MYO1A: variants seen among roughly 807,000 people sequenced by gnomAD.
MYO1A encodes the protein unconventional myosin-Ia.
Under a neutral mutation model 138.5 loss-of-function variants are expected in MYO1A, and 127 were observed. The ratio of observed to expected loss-of-function variants is 0.92; its 90% confidence interval spans 0.79 to 1.06. MYO1A has a LOEUF of 1.06. Among genes scored for constraint, MYO1A ranks in the 50% least tolerant of loss-of-function variants. MYO1A has a pLI of 0.00. For synonymous variants in MYO1A, 477 were observed against 497.5 expected, an observed-to-expected ratio of 0.96 and a Z score of 0.55; for missense variants, 1,211 against 1,288.8, an observed-to-expected ratio of 0.94 and a Z score of 0.92.
At chr12:57,035,269 G>A (rs1476619287) in intron 22 of MYO1A, among the ~76,000 whole-genome samples, 1 of 152,192 alleles carries the variant, frequency 6.6e-6, no homozygotes, top group Non-Finnish European at 1.5e-5. Flanking sequence ...AAGCATGTAT[G>A]GTGGGAAGGC....
intron 17 of MYO1A, 65 bp downstream of exon 17, chr12:57,038,347 C>T (rs2030673913): frequency 1.9e-6 from 3 of 1,540,732 alleles, no homozygotes; most frequent in Admixed American, 1.7e-5. Flanking sequence ...ACGTGTTCTA[C>T]AGCGCATGGA....
intron 1 of MYO1A, among the ~76,000 whole-genome samples, chr12:57,048,984 T>G (rs11613928): frequency 0.029 from 4,404 of 152,338 alleles, 85 homozygotes; most frequent in Middle Eastern, 0.071. Flanking sequence ...GATTGGAATT[T>G]CCCAAAGAAA....
chr12:57,036,140 G>A (rs979869050), intron 22 of MYO1A, among the ~76,000 whole-genome samples, 167 bp downstream of exon 22: 1 of 152,196 alleles, frequency 6.6e-6, no homozygotes, highest in African/African-American at 2.4e-5. Flanking sequence ...CCAAGGCACT[G>A]GGGCCTGGTC....
chr12:57,043,988 T>G lies in MYO1A; in HGVS notation c.760A>C (p.Ile254Leu), dbSNP rs1450412946. 6.2e-7 allele frequency: 1 copy of G among 1,614,088 alleles called. No homozygotes were observed. The highest frequency in any genetic ancestry group is 8.5e-7 in the Non-Finnish European group (1 of 1,180,010). ...CGAATCTCCTCCTCCGAGAACCCAA[T>G]CACTGCCATTGCACTCTTAGGCAGA... ...FRAVQSAMAV[I>L]GFSEEEIRQV... The change falls in exon 10 of 28, where the codon ATT becomes CTT. Residue 254 changes from isoleucine to leucine, a missense_variant. Transcript: ENST00000300119.
Position 57,036,299 on chromosome 12 carries a change from C to T in MYO1A, c.2349+8G>A. 1 of 1,613,422 alleles carries T rather than the reference C, an allele frequency of 6.2e-7. No individual in the cohort carries two copies. Among genetic ancestry groups the T allele is most frequent in the South Asian group, 1.1e-5 (1 of 91,052 alleles). On this transcript the variant is annotated splice_region_variant and intron_variant, in intron 22 of 27. Transcript: ENST00000300119. ...TCCCTAACATCCACCCTAACCCCTA[C>T]CACTTACCATGCTCTTGTAGATGAA...
In MYO1A at chr12:57,036,192, G is replaced by T. The variant is rs945374814; in HGVS notation, c.2349+115C>A. ...CTCTTCTCCTAGGACTTAAGTACATGCAGACTGAGGAAACTCTTGGGGGAA... is the reference window on the plus strand; with the variant it reads ...CTCTTCTCCTAGGACTTAAGTACATTCAGACTGAGGAAACTCTTGGGGGAA... On this transcript the variant is annotated intron_variant, in intron 22 of 27. Coordinates refer to ENST00000300119, the MANE Select transcript of MYO1A (RefSeq NM_005379.4). 19 of 1,052,418 alleles carry T rather than the reference G, an allele frequency of 1.8e-5. No individual in the cohort carries two copies. In the African/African-American group the frequency reaches 2.8e-4, roughly 16 times the overall value. The allele number at this position is 1,052,418 out of a possible 1,614,324, so 65.2% of individuals were successfully genotyped here.
At chr12:57,037,510 T>C (rs1293597596) in intron 19 of MYO1A, 38 bp downstream of exon 19, 2 of 1,589,564 alleles carry the variant, frequency 1.3e-6, no homozygotes, top group African/African-American at 2.7e-5. Context: ...TCTTCCACCT[T>C]CTACCCTCAC....
chr12:57,040,612 C>T (rs1452345352), intron 14 of MYO1A, among the ~76,000 whole-genome samples: 5 of 152,166 alleles, frequency 3.3e-5, no homozygotes, highest in Non-Finnish European at 7.3e-5. Context: ...TCTGTTATAA[C>T]CTATTCCTGA....
In MYO1A at chr12:57,036,439, T is replaced by C. The variant is rs1259961571; in HGVS notation, c.2275-58A>G. ...GAAGATAGGCAGATTCTAGAAGAGG[T>C]TGTACTATTTTTCAACCACGCAAAG... is the stretch of plus-strand genomic sequence containing the variant. On this transcript the variant is annotated intron_variant, in intron 21 of 27. Coordinates refer to ENST00000300119, the MANE Select transcript of MYO1A (RefSeq NM_005379.4). 5 of 1,542,542 alleles carry C rather than the reference T, an allele frequency of 3.2e-6. No homozygotes were observed. In the African/African-American group the frequency reaches 6.8e-5, roughly 21 times the overall value.
intron 1 of MYO1A, among the ~76,000 whole-genome samples, chr12:57,048,946 A>T (rs2031239276): frequency 6.6e-6 from 1 of 152,228 alleles, no homozygotes; most frequent in Non-Finnish European, 1.5e-5. Context: ...AGAATTATAG[A>T]GGATAGAGGC....
chr12:57,043,933 A>G lies in MYO1A; in HGVS notation c.815T>C (p.Leu272Pro), dbSNP rs1244305903. The change falls in exon 10 of 28, where the codon CTA (leucine) becomes CCA (proline). Residue 272 changes from leucine to proline, a missense_variant. Physicochemically the swap from Leu to Pro is moderately conservative, Grantham distance 98. Coordinates refer to ENST00000300119, the MANE Select transcript of MYO1A (RefSeq NM_005379.4). ...RQVLEVTSMV[L>P]KLGNVLVADE... ...AGCCACCAACACGTTCCCCAGCTTT[A>G]GCACCATGGATGTCACCTCTAGCAC... 1.2e-6 allele frequency: 2 copies of G among 1,614,146 alleles called. No homozygotes were observed. Among genetic ancestry groups the G allele is most frequent in the Admixed American group, 1.7e-5 (1 of 60,010 alleles).
In MYO1A at chr12:57,029,172, C is replaced by T; in HGVS notation, c.2965G>A (p.Asp989Asn). ...ACTGTAAGCTGCCTCTGCGTGGCAT[C>T]CAGCACAGCCCGGTACATTTTGGTC... is the stretch of plus-strand genomic sequence containing the variant. ...LLTKMYRAVL[D>N]ATQRQLTVTV... Residue 989 changes from aspartate (D) to asparagine (N), a missense_variant, in exon 27 of 28, where the codon GAT becomes AAT. Asp to Asn is a conservative substitution (Grantham distance 23). Coordinates refer to ENST00000300119, the MANE Select transcript of MYO1A (RefSeq NM_005379.4). 1.9e-6 allele frequency: 3 copies of T among 1,614,212 alleles called. No homozygotes were observed. The highest frequency in any genetic ancestry group is 2.2e-5 in the South Asian group (2 of 91,080).
intron 1 of MYO1A, 126 bp from the exon 2 acceptor site, chr12:57,048,469 C>A: frequency 1.4e-6 from 1 of 705,142 alleles, no homozygotes. Context: ...TAAAGAGAGC[C>A]CCCAACCTAG....
Position 57,041,495 on chromosome 12 carries a change from C to T in MYO1A, c.1101G>A (p.Val367=). 1.2e-6 allele frequency: 2 copies of T among 1,612,612 alleles called. No individual in the cohort carries two copies. Among genetic ancestry groups the T allele is most frequent in the Non-Finnish European group, 1.7e-6 (2 of 1,178,632 alleles). ...TTACCTTCTTCTTTTCCCCGATGCC[C>T]ACCTGAAGAGGAGAGAAAGATAAAT... ...IVNRINESIK[V]GIGEKKKVMG... Residue 367 remains valine, a splice_region_variant and synonymous_variant, in exon 13 of 28, where the codon GTG becomes GTA. Transcript: ENST00000300119.
chr12:57,028,981 G>A (rs928993892), intron 27 of MYO1A, 100 bp from the exon 28 acceptor site: 5 of 1,592,742 alleles, frequency 3.1e-6, no homozygotes, highest in Non-Finnish European at 4.3e-6. Flanking sequence ...GAGGACTTGA[G>A]GCCCCAGAGA....
At position 57,049,886 on chromosome 12, in the gene MYO1A, C is replaced by A. The variant is rs2031278195; in HGVS notation, c.-21+1G>T. ...CAGTGACAGGTCAAGGCAGGACTCA[C>A]CCAACACTGGAACTAGGGTATAACT... On this transcript the variant is annotated splice_donor_variant, in intron 1 of 27. Coordinates refer to ENST00000300119, the MANE Select transcript of MYO1A (RefSeq NM_005379.4). LOFTEE classifies it low-confidence loss of function (5UTR_SPLICE). The A allele has an allele frequency of 6.6e-6, 1 of 152,150 alleles. No homozygotes were observed. Among genetic ancestry groups the A allele is most frequent in the African/African-American group, 2.4e-5 (1 of 41,426 alleles). 9.4% of individuals were successfully genotyped at this position (152,150 alleles called of 1,614,324 possible).
At chr12:57,044,069 C>A (rs754953060) in intron 9 of MYO1A, 37 bp downstream of exon 9, 1 of 1,614,152 alleles carries the variant, frequency 6.2e-7, no homozygotes, top group South Asian at 1.1e-5. Context: ...TAGAGGATGA[C>A]CTAAGGGCCC....
At chr12:57,038,344 C>A in intron 17 of MYO1A, 68 bp downstream of exon 17, 2 of 1,534,930 alleles carry the variant, frequency 1.3e-6, no homozygotes, top group Non-Finnish European at 1.8e-6. Flanking sequence ...TGGACGTGTT[C>A]TACAGCGCAT....
chr12:57,043,737 G>T lies in MYO1A; in HGVS notation c.892+119C>A, dbSNP rs1457326357. On this transcript the variant is annotated intron_variant, in intron 10 of 27. Transcript: ENST00000300119. ...AGTCTGTTTAGGGGAGAACTCAGGAGTGGGCTGAGTGGGACTGCATCAGGG... is the reference window on the plus strand; with the variant it reads ...AGTCTGTTTAGGGGAGAACTCAGGATTGGGCTGAGTGGGACTGCATCAGGG... 7 of 1,327,908 alleles carry T rather than the reference G, an allele frequency of 5.3e-6. No individual in the cohort carries two copies. In the African/African-American group the frequency reaches 8.7e-5, roughly 17 times the overall value. The allele number at this position is 1,327,908 out of a possible 1,614,324, so 82.3% of individuals were successfully genotyped here. A position where few individuals can be genotyped will look rare whatever the true frequency, so the allele number is the denominator to read the frequency against.
Sources: gnomAD v4.1 joint callset for allele counts (sites outside exome capture counted in the v4.1 genomes callset) on GRCh38, gnomAD v4.1.1 for gene constraint, MANE v1.5 for transcripts, NCBI Gene and HGNC (gene_info 2026-07-23, HGNC 2026-07-21) for gene names.